The following FUCA2 variants were observed in gnomAD, a reference collection of about 807,000 sequenced individuals.
The protein encoded by FUCA2 is alpha-L-fucosidase 2, also known as plasma alpha-L-fucosidase.
A neutral mutation model predicts 52.6 loss-of-function variants in FUCA2; 41 were observed. That is an observed-to-expected ratio of 0.78 (90% confidence interval 0.61 to 1.01). FUCA2 has a LOEUF of 1.01. FUCA2 is among the 50% of genes least tolerant of loss of function. FUCA2 has a pLI of 0.00. For missense variants in FUCA2, 507 were observed against 569.5 expected (o/e 0.89, Z 1.12); for synonymous variants, 211 against 217.3 (o/e 0.97, Z 0.26).
rs976984439 is a variant in FUCA2 at position 143,501,788 on chromosome 6, A to G, written c.1154+144T>C. Reference sequence around the variant, plus strand: ...TGCAAATTCTTCCCCTTCTCTTTATATTAGAGTAAGCAAAGTTTGGAAAGT... The same window carrying G: ...TGCAAATTCTTCCCCTTCTCTTTATGTTAGAGTAAGCAAAGTTTGGAAAGT... On this transcript the variant is annotated intron_variant, in intron 5 of 6. Coordinates refer to ENST00000002165, the MANE Select transcript of FUCA2 (RefSeq NM_032020.5). The surrounding 1 kb of genome is among the most constrained non-coding windows in gnomAD (Gnocchi z 6.1). 2 of 628,702 alleles carry G rather than the reference A, an allele frequency of 3.2e-6. No individual in the cohort carries two copies. Among genetic ancestry groups the G allele is most frequent in the African/African-American group, 1.8e-5 (1 of 54,658 alleles). The allele number at this position is 628,702 out of a possible 1,614,324, so 38.9% of individuals were successfully genotyped here. A position where few individuals can be genotyped will look rare whatever the true frequency, so the allele number is the denominator to read the frequency against.
Position 143,504,165 on chromosome 6 carries a change from A to G in FUCA2, c.500T>C (p.Val167Ala). ...PKRDIVKELE[V>A]AIRNRTDLRF... is the part of the protein sequence containing the mutation. ...CAGGTCAGTTCTGTTCCTAATGGCT[A>G]CCTCAAGTTCCTTGACAATGTCCCT... The change falls in exon 3 of 7, where the codon GTA (valine) becomes GCA (alanine). Residue 167 changes from valine to alanine, a missense_variant. Coordinates refer to ENST00000002165, the MANE Select transcript of FUCA2 (RefSeq NM_032020.5). This position sits in a 1 kb window ranked among gnomAD's most constrained non-coding sequence, Gnocchi z 4.4. 6.2e-7 allele frequency: 1 copy of G among 1,614,198 alleles called. No homozygotes were observed. The highest frequency in any genetic ancestry group is 8.5e-7 in the Non-Finnish European group (1 of 1,180,012).
In FUCA2 at chr6:143,511,624, T is replaced by A; in HGVS notation, c.11A>T (p.Gln4Leu). The change falls in exon 1 of 7, where the codon CAG (glutamine) becomes CTG (leucine). Residue 4 changes from glutamine to leucine, a missense_variant. Coordinates refer to ENST00000002165, the MANE Select transcript of FUCA2 (RefSeq NM_032020.5). The surrounding 1 kb of genome is among the most constrained non-coding windows in gnomAD (Gnocchi z 6.3). Reference sequence around the variant, plus strand: ...CGGGAACGCGAGCCTGGGGAGCTCCTGGGGCCGCATGTCCCGGCGCAGGCC... The same window carrying A: ...CGGGAACGCGAGCCTGGGGAGCTCCAGGGGCCGCATGTCCCGGCGCAGGCC... MRP[Q>L]ELPRLAFPLL... 1 of 1,524,720 alleles carries A rather than the reference T, an allele frequency of 6.6e-7. No individual in the cohort carries two copies. The highest frequency in any genetic ancestry group is 8.8e-7 in the Non-Finnish European group (1 of 1,135,210). 94.4% of individuals were successfully genotyped at this position (1,524,720 alleles called of 1,614,324 possible).
In FUCA2 at chr6:143,495,782, T is replaced by A. The variant is rs1215655605; in HGVS notation, c.1329A>T (p.Val443=). The change falls in exon 7 of 7, where the codon GTA becomes GTT. Residue 443 remains valine (V), a synonymous_variant. Coordinates refer to ENST00000002165, the MANE Select transcript of FUCA2 (RefSeq NM_032020.5). The surrounding 1 kb of genome is among the most constrained non-coding windows in gnomAD (Gnocchi z 5.2). The part of the protein sequence containing the change: ...WISLEQNGIM[V]ELPQLTIHQM... ...GATGAATGGTTAGCTGTGGCAGTTC[T>A]ACCATAATGCCATTTTGCTCCAAAG... The A allele has an allele frequency of 6.2e-7, 1 of 1,613,822 alleles. No individual in the cohort carries two copies. Among genetic ancestry groups the A allele is most frequent in the African/African-American group, 1.3e-5 (1 of 74,926 alleles).
Position 143,511,102 on chromosome 6 carries a change from T to C in FUCA2, c.224+309A>G, listed in dbSNP as rs939814971. Among the ~76,000 whole-genome samples, 1 of 152,190 alleles carries C rather than the reference T, an allele frequency of 6.6e-6. No homozygotes were observed. The highest frequency in any genetic ancestry group is 1.5e-5 in the Non-Finnish European group (1 of 68,030). ...TGCACAAACTGATGAATGTCTGTAG[T>C]AGCTCGATGTTGTAGTGTCATAACT... On this transcript the variant is annotated intron_variant, in intron 1 of 6. Transcript: ENST00000002165. The surrounding 1 kb of genome is among the most constrained non-coding windows in gnomAD (Gnocchi z 6.3).
rs986859924 is a variant in FUCA2 at position 143,510,438 on chromosome 6, C to T, written c.224+973G>A. 2.0e-5 allele frequency among the ~76,000 whole-genome samples: 3 copies of T among 152,016 alleles called. No individual in the cohort carries two copies. The highest frequency in any genetic ancestry group is 7.3e-5 in the African/African-American group (3 of 41,378). ...ATCACCTGAGGTCAGGAGTTCAAGA[C>T]CAGCCTGGCTAACATGGCAAAACCC... On this transcript the variant is annotated intron_variant, in intron 1 of 6. Coordinates refer to ENST00000002165, the MANE Select transcript of FUCA2 (RefSeq NM_032020.5). This position sits in a 1 kb window ranked among gnomAD's most constrained non-coding sequence, Gnocchi z 4.4.
intron 5 of FUCA2, among the ~76,000 whole-genome samples, chr6:143,498,819 A>G (rs899052919): frequency 6.6e-6 from 1 of 152,212 alleles, no homozygotes; most frequent in East Asian, 1.9e-4. Flanking sequence ...ATAGAGACCT[A>G]TTAAGAAGCT....
intron 6 of FUCA2, chr6:143,496,295 A>G (rs1483102710): frequency 6.5e-6 from 1 of 153,360 alleles, no homozygotes; most frequent in East Asian, 1.9e-4. Flanking sequence ...TACTATACTA[A>G]GCAAATTCAA....
At chr6:143,506,450 T>C (rs1403770419) in intron 2 of FUCA2, 1 of 152,110 alleles carries the variant, frequency 6.6e-6, no homozygotes, top group Non-Finnish European at 1.5e-5. Flanking sequence ...TTCCTCGGCC[T>C]CCCAAAATTT....
intron 1 of FUCA2, among the ~76,000 whole-genome samples, chr6:143,508,273 T>C (rs1025648265): frequency 6.6e-6 from 1 of 151,920 alleles, no homozygotes; most frequent in African/African-American, 2.4e-5. Context: ...CAAGACTTCA[T>C]GAGGAAAAGC....
chr6:143,505,436 T>C (rs146382068), intron 2 of FUCA2: 1 of 148,098 alleles, frequency 6.8e-6, no homozygotes, highest in African/African-American at 2.5e-5. Flanking sequence ...CACCTCAGCC[T>C]ACCAAGTAGC....
intron 5 of FUCA2, among the ~76,000 whole-genome samples, chr6:143,498,199 T>C (rs1780486317): frequency 6.6e-6 from 1 of 152,150 alleles, no homozygotes; most frequent in African/African-American, 2.4e-5. Flanking sequence ...CATTCATTTA[T>C]TCATTCAATT....
At position 143,501,287 on chromosome 6, in the gene FUCA2, A is replaced by G. The variant is rs1484636140; in HGVS notation, c.1154+645T>C. On this transcript the variant is annotated intron_variant, in intron 5 of 6. Coordinates refer to ENST00000002165, the MANE Select transcript of FUCA2 (RefSeq NM_032020.5). This position sits in a 1 kb window ranked among gnomAD's most constrained non-coding sequence, Gnocchi z 6.1. ...AGTAGATTGAAGAACAATTAGTCTAATCTTTCGGTTCCTATTTGATCAGAC... is the reference window on the plus strand; with the variant it reads ...AGTAGATTGAAGAACAATTAGTCTAGTCTTTCGGTTCCTATTTGATCAGAC... 6.6e-6 allele frequency among the ~76,000 whole-genome samples: 1 copy of G among 152,196 alleles called. No homozygotes were observed. The highest frequency in any genetic ancestry group is 2.4e-5 in the African/African-American group (1 of 41,432).
At position 143,510,850 on chromosome 6, in the gene FUCA2, T is replaced by C. The variant is rs888580900; in HGVS notation, c.224+561A>G. ...ACCTTTCATACGGCAGTATGATAAC[T>C]GGGTTGTGTTAAGAGTACCATTCTA... On this transcript the variant is annotated intron_variant, in intron 1 of 6. Coordinates refer to ENST00000002165, the MANE Select transcript of FUCA2 (RefSeq NM_032020.5). This position sits in a 1 kb window ranked among gnomAD's most constrained non-coding sequence, Gnocchi z 4.4. Among the ~76,000 whole-genome samples, 8 of 152,132 alleles carry C rather than the reference T, an allele frequency of 5.3e-5. No individual in the cohort carries two copies. Among genetic ancestry groups the C allele is most frequent in the Non-Finnish European group, 1.2e-4 (8 of 68,044 alleles).
chr6:143,507,915 T>C lies in FUCA2; in HGVS notation c.225-491A>G, dbSNP rs193111410. ...AACTCCTGGGCTCAAGCGATCTTCCTGCTTCAGTCTCCCGAAGTGTTAGGA... is the reference window on the plus strand; with the variant it reads ...AACTCCTGGGCTCAAGCGATCTTCCCGCTTCAGTCTCCCGAAGTGTTAGGA... On this transcript the variant is annotated intron_variant, in intron 1 of 6. Coordinates refer to ENST00000002165, the MANE Select transcript of FUCA2 (RefSeq NM_032020.5). The surrounding 1 kb of genome is among the most constrained non-coding windows in gnomAD (Gnocchi z 4.5). Among the ~76,000 whole-genome samples, 579 of 152,222 alleles carry C rather than the reference T, an allele frequency of 3.8e-3. 4 individuals are homozygous for C. The highest frequency in any genetic ancestry group is 6.8e-3 in the Middle Eastern group (2 of 294).
In FUCA2 at chr6:143,502,021, T is replaced by C. The variant is rs756478394; in HGVS notation, c.1065A>G (p.Gln355=). Residue 355 remains glutamine, a synonymous_variant, in exon 5 of 7, where the codon CAA becomes CAG. Coordinates refer to ENST00000002165, the MANE Select transcript of FUCA2 (RefSeq NM_032020.5). The surrounding 1 kb of genome is among the most constrained non-coding windows in gnomAD (Gnocchi z 4.1). The part of the protein sequence containing the change: ...ISVVFEERLR[Q]MGSWLKVNGE... Reference sequence around the variant, plus strand: ...CATTGACTTTTAGCCAGGACCCCATTTGCCTCAGTCGCTCCTCAAAAACTA... The same window carrying C: ...CATTGACTTTTAGCCAGGACCCCATCTGCCTCAGTCGCTCCTCAAAAACTA... The C allele has an allele frequency of 1.4e-5, 22 of 1,613,912 alleles. No homozygotes were observed. The highest frequency in any genetic ancestry group is 6.6e-5 in the South Asian group (6 of 91,060).
chr6:143,508,794 A>C (rs1780645476), intron 1 of FUCA2, among the ~76,000 whole-genome samples: 1 of 152,250 alleles, frequency 6.6e-6, no homozygotes, highest in South Asian at 2.1e-4. Flanking sequence ...CGACTACTCT[A>C]AATTTCCTGT....
In FUCA2 at chr6:143,499,511, G is replaced by A. The variant is rs980569523; in HGVS notation, c.1155-2014C>T. Among the ~76,000 whole-genome samples, 4 of 152,064 alleles carry A rather than the reference G, an allele frequency of 2.6e-5. No individual in the cohort carries two copies. The highest frequency in any genetic ancestry group is 7.2e-5 in the African/African-American group (3 of 41,396). On this transcript the variant is annotated intron_variant, in intron 5 of 6. Coordinates refer to ENST00000002165, the MANE Select transcript of FUCA2 (RefSeq NM_032020.5). This position sits in a 1 kb window ranked among gnomAD's most constrained non-coding sequence, Gnocchi z 6.0. Reference sequence around the variant, plus strand: ...GTGGAGGTTGCCGTGAGCCAAGATCGCACCAGTGCACTCAAAAAAAGATAG... The same window carrying A: ...GTGGAGGTTGCCGTGAGCCAAGATCACACCAGTGCACTCAAAAAAAGATAG...
At chr6:143,508,256 G>C (rs1410348658) in intron 1 of FUCA2, among the ~76,000 whole-genome samples, 1 of 152,162 alleles carries the variant, frequency 6.6e-6, no homozygotes, top group Non-Finnish European at 1.5e-5. Context: ...ACCCTAAACT[G>C]CGTAAGCAAG....
chr6:143,504,403 C>T lies in FUCA2; in HGVS notation c.413-151G>A. ...CTGTTTTATGGCCATTTTTTCATAG[C>T]ATATATTGTGCTTTTATATGAGAAG... On this transcript the variant is annotated intron_variant, in intron 2 of 6. Transcript: ENST00000002165. The surrounding 1 kb of genome is among the most constrained non-coding windows in gnomAD (Gnocchi z 4.4). The T allele has an allele frequency of 3.0e-6, 2 of 671,750 alleles. No individual in the cohort carries two copies. The highest frequency in any genetic ancestry group is 2.0e-5 in the South Asian group (1 of 49,386). 41.6% of individuals were successfully genotyped at this position (671,750 alleles called of 1,614,324 possible). A position where few individuals can be genotyped will look rare whatever the true frequency, so the allele number is the denominator to read the frequency against.
Sources: allele counts gnomAD v4.1 joint callset (sites outside exome capture counted in the v4.1 genomes callset), GRCh38; gene constraint gnomAD v4.1.1; non-coding constraint Gnocchi (gnomAD v3.1); transcripts MANE v1.5; gene names NCBI Gene and HGNC (gene_info 2026-07-23, HGNC 2026-07-21).